The following RANBP17 variants were observed in gnomAD, a reference collection of about 807,000 sequenced individuals.
RANBP17 encodes the protein ran-binding protein 17.
Under a neutral mutation model 141.2 loss-of-function variants are expected in RANBP17, and 158 were observed. The ratio of observed to expected loss-of-function variants is 1.12; its 90% CI spans 0.98 to 1.28. The LOEUF (loss-of-function observed/expected upper bound fraction) is 1.28. Among genes scored for constraint, RANBP17 ranks in the 50% most tolerant of loss-of-function variants. The pLI, the probability that RANBP17 is intolerant of heterozygous loss-of-function variation, is 0.00. For missense variants in RANBP17, 1,438 were observed against 1,290.7 expected (o/e 1.11, Z -1.75); for synonymous variants, 430 against 450.0 (o/e 0.96, Z 0.56).
chr5:170,999,370 G>A (rs925137823), intron 14 of RANBP17, among the ~76,000 whole-genome samples: 2 of 151,862 alleles, frequency 1.3e-5, no homozygotes, highest in African/African-American at 4.8e-5. Context: ...GCTAATAAAG[G>A]CACATTATGT....
intron 18 of RANBP17, among the ~76,000 whole-genome samples, chr5:171,192,543 C>A (rs772931978): frequency 1.3e-5 from 2 of 152,130 alleles, no homozygotes; most frequent in Non-Finnish European, 2.9e-5. Flanking sequence ...TTAAAGGGCA[C>A]CTCAGTTTTC....
intron 14 of RANBP17, among the ~76,000 whole-genome samples, chr5:171,087,189 A>C (rs1303608613): frequency 6.6e-6 from 1 of 150,972 alleles, no homozygotes; most frequent in Non-Finnish European, 1.5e-5. Context: ...GTTTCAAAGA[A>C]CATCTTTATT....
intron 14 of RANBP17, among the ~76,000 whole-genome samples, chr5:171,115,594 C>T (rs139583813): frequency 8.5e-5 from 13 of 152,174 alleles, no homozygotes; most frequent in African/African-American, 1.2e-4. Context: ...CTTTTTATGC[C>T]GAATGAACTG....
At chr5:171,082,060 A>T (rs1287756515) in intron 14 of RANBP17, among the ~76,000 whole-genome samples, 1 of 152,172 alleles carries the variant, frequency 6.6e-6, no homozygotes, top group Admixed American at 6.6e-5. Flanking sequence ...CCTTAAAAAT[A>T]ATTTTTGTTA....
chr5:171,011,442 G>T (rs1393023695), intron 14 of RANBP17, among the ~76,000 whole-genome samples: 1 of 151,476 alleles, frequency 6.6e-6, no homozygotes, highest in Non-Finnish European at 1.5e-5. Flanking sequence ...AAAAGGAATT[G>T]AATTTTAACC....
At chr5:170,980,732 G>A (rs146766106) in intron 14 of RANBP17, among the ~76,000 whole-genome samples, 1,880 of 152,292 alleles carry the variant, frequency 0.012, 48 homozygotes, top group African/African-American at 0.043. Flanking sequence ...CTACAGGAGC[G>A]GGGCCCTCAT....
At chr5:170,920,298 C>T (rs1042405322) in intron 11 of RANBP17, among the ~76,000 whole-genome samples, 1 of 152,134 alleles carries the variant, frequency 6.6e-6, no homozygotes, top group Non-Finnish European at 1.5e-5. Context: ...ATGAAAGACT[C>T]AATTGCTCTG....
intron 14 of RANBP17, chr5:171,161,304 A>G (rs748651049): frequency 1.1e-5 from 2 of 178,688 alleles, no homozygotes; most frequent in African/African-American, 2.4e-5. Context: ...AGTAACAACC[A>G]CAAAGATTGT....
intron 14 of RANBP17, among the ~76,000 whole-genome samples, chr5:171,072,218 G>C (rs812407): frequency 6.6e-6 from 1 of 151,836 alleles, no homozygotes; most frequent in Non-Finnish European, 1.5e-5. Flanking sequence ...CCAAGGGGCA[G>C]GCGTGATTTC....
intron 5 of RANBP17, among the ~76,000 whole-genome samples, chr5:170,907,362 A>G (rs975538364): frequency 1.3e-5 from 2 of 151,964 alleles, no homozygotes; most frequent in African/African-American, 4.8e-5. Context: ...ATAAGCATGC[A>G]GTCCTTTAAT....
intron 14 of RANBP17, among the ~76,000 whole-genome samples, chr5:171,089,866 C>T (rs1326626228): frequency 6.6e-6 from 1 of 152,210 alleles, no homozygotes; most frequent in Non-Finnish European, 1.5e-5. Flanking sequence ...TCTGGCACTC[C>T]CTAGTGAGAT....
At chr5:170,923,355 T>G (rs1772635784) in intron 11 of RANBP17, among the ~76,000 whole-genome samples, 1 of 152,236 alleles carries the variant, frequency 6.6e-6, no homozygotes, top group Admixed American at 6.5e-5. Flanking sequence ...TTCATTAATC[T>G]ATGTGTCTGT....
intron 3 of RANBP17, among the ~76,000 whole-genome samples, chr5:170,887,429 A>T (rs1013870418): frequency 6.6e-6 from 1 of 152,164 alleles, no homozygotes; most frequent in Non-Finnish European, 1.5e-5. Context: ...TATGTTTTAC[A>T]CTTAGGTCTG....
chr5:170,908,575 A>G lies in RANBP17; in HGVS notation c.490-1086A>G, dbSNP rs141498570. On this transcript the variant is annotated intron_variant, in intron 5 of 27. Coordinates refer to ENST00000523189, the MANE Select transcript of RANBP17 (RefSeq NM_022897.5). ...TGACTTTTGGGTGACAGGATCATTC[A>G]TACCCCAAACCTCAGCAACAAGCAA... Among the ~76,000 whole-genome samples the G allele has an allele frequency of 4.0e-3, 606 of 151,228 alleles. 5 individuals are homozygous for G. Among genetic ancestry groups the G allele is most frequent in the African/African-American group, 0.014 (584 of 41,222 alleles).
At chr5:170,865,762 A>C (rs1767201281) in intron 1 of RANBP17, among the ~76,000 whole-genome samples, 1 of 152,198 alleles carries the variant, frequency 6.6e-6, no homozygotes, top group African/African-American at 2.4e-5. Flanking sequence ...GGGGTTTCCC[A>C]AAACCACCCT....
At chr5:170,941,907 G>A (rs548164912) in intron 12 of RANBP17, among the ~76,000 whole-genome samples, 13 of 152,204 alleles carry the variant, frequency 8.5e-5, no homozygotes, top group South Asian at 4.1e-4. Context: ...CCCTTGAACC[G>A]TCACATGTGT....
intron 14 of RANBP17, among the ~76,000 whole-genome samples, chr5:171,005,809 C>A (rs1394893588): frequency 6.6e-6 from 1 of 152,082 alleles, no homozygotes; most frequent in Non-Finnish European, 1.5e-5. Context: ...GAACAGGCAA[C>A]CTACAGAATG....
At chr5:171,198,468 A>G (rs1762105278) in intron 18 of RANBP17, among the ~76,000 whole-genome samples, 1 of 152,214 alleles carries the variant, frequency 6.6e-6, no homozygotes, top group Non-Finnish European at 1.5e-5. Flanking sequence ...GAGTCAAAAG[A>G]TCTTGATCCT....
intron 12 of RANBP17, among the ~76,000 whole-genome samples, chr5:170,951,648 G>A (rs1388534487): frequency 6.6e-6 from 1 of 152,044 alleles, no homozygotes; most frequent in Admixed American, 6.6e-5. Flanking sequence ...ATTAGATTGT[G>A]GTGATGCTTG....
Sources: gnomAD v4.1 joint callset for allele counts (sites outside exome capture counted in the v4.1 genomes callset) on GRCh38, gnomAD v4.1.1 for gene constraint, MANE v1.5 for transcripts, NCBI Gene and HGNC (gene_info 2026-07-23, HGNC 2026-07-21) for gene names.